MINDY4: variants seen among roughly 807,000 people sequenced by gnomAD.
MINDY4 encodes the protein probable ubiquitin carboxyl-terminal hydrolase MINDY-4.
A neutral mutation model predicts 87.0 loss-of-function variants in MINDY4; 68 were observed. The ratio of observed to expected loss-of-function variants is 0.78; its 90% CI spans 0.64 to 0.96. The LOEUF (loss-of-function observed/expected upper bound fraction) is 0.96. MINDY4 is among the 40% of genes least tolerant of loss of function. The probability of loss-of-function intolerance (pLI) is 0.00; values close to 1 mark genes in which losing one functional copy is unlikely to be tolerated. For missense variants in MINDY4, 919 were observed against 928.2 expected (o/e 0.99, Z 0.13); for synonymous variants, 379 against 363.2 (o/e 1.04, Z -0.50).
At chr7:30,805,751 A>G (rs1195583417) in intron 5 of MINDY4, among the ~76,000 whole-genome samples, 1 of 152,132 alleles carries the variant, frequency 6.6e-6, no homozygotes, top group Non-Finnish European at 1.5e-5. Context: ...AGATGAGGAC[A>G]TGTGTGGAGA....
intron 3 of MINDY4, among the ~76,000 whole-genome samples, chr7:30,785,141 G>C (rs1419741964): frequency 6.7e-6 from 1 of 150,090 alleles, no homozygotes; most frequent in Non-Finnish European, 1.5e-5. Context: ...CAGAGACAAA[G>C]AGCAGTCTGA....
chr7:30,800,875 G>C (rs2128170807), intron 5 of MINDY4, among the ~76,000 whole-genome samples: 1 of 152,324 alleles, frequency 6.6e-6, no homozygotes, highest in Non-Finnish European at 1.5e-5. Context: ...AGGTTTTGCA[G>C]AAGAATGGAC....
At chr7:30,852,425 G>A (rs1470540686) in intron 11 of MINDY4, 146 bp downstream of exon 11, 7 of 1,458,688 alleles carry the variant, frequency 4.8e-6, no homozygotes, top group Non-Finnish European at 6.4e-6. Flanking sequence ...GATTAGGGTG[G>A]GGACAGACGT....
At chr7:30,861,941 G>T (rs1789779459) in intron 13 of MINDY4, among the ~76,000 whole-genome samples, 1 of 152,252 alleles carries the variant, frequency 6.6e-6, no homozygotes, top group South Asian at 2.1e-4. Context: ...GCCACTGGGG[G>T]TGTGAGGAGG....
chr7:30,831,068 T>C (rs2128563582), intron 6 of MINDY4, among the ~76,000 whole-genome samples: 1 of 152,240 alleles, frequency 6.6e-6, no homozygotes, highest in East Asian at 1.9e-4. Context: ...GACTTAGGTG[T>C]AGAATAGACT....
At position 30,882,354 on chromosome 7, in the gene MINDY4, G is replaced by A. The variant is rs1442251630; in HGVS notation, c.2145G>A (p.Leu715=). ...GLANQQEQIR[L]TIDTTQTISE... ...CCAACCAGCAGGAGCAGATCCGGCT[G>A]ACCATTGGTGCGGGCCCTCACCCCC... is the stretch of plus-strand genomic sequence containing the variant. The change falls in exon 16 of 18, where the codon CTG becomes CTA. Residue 715 remains leucine, a synonymous_variant. Transcript: ENST00000265299. The A allele has an allele frequency of 1.3e-6, 2 of 1,589,310 alleles. No individual in the cohort carries two copies. Among genetic ancestry groups the A allele is most frequent in the Non-Finnish European group, 1.7e-6 (2 of 1,163,564 alleles).
intron 1 of MINDY4, among the ~76,000 whole-genome samples, chr7:30,778,087 G>T (rs1786882110): frequency 6.6e-6 from 1 of 152,124 alleles, no homozygotes; most frequent in South Asian, 2.1e-4. Context: ...CCCCATCTGA[G>T]AGTGAAGGGA....
intron 5 of MINDY4, among the ~76,000 whole-genome samples, chr7:30,822,455 A>T (rs1364919916): frequency 6.6e-6 from 1 of 152,024 alleles, no homozygotes; most frequent in Non-Finnish European, 1.5e-5. Context: ...ACAGGTGTGA[A>T]CTACTGTACC....
chr7:30,822,670 C>T (rs1420072655), intron 5 of MINDY4, among the ~76,000 whole-genome samples: 1 of 102,174 alleles, frequency 9.8e-6, no homozygotes, highest in Non-Finnish European at 1.8e-5. Flanking sequence ...CAAGGTTTCA[C>T]TCTTGCTAGG....
At chr7:30,786,255 G>A in intron 4 of MINDY4, 1 of 467,384 alleles carries the variant, frequency 2.1e-6, no homozygotes, top group Non-Finnish European at 3.8e-6. Context: ...TTCCTCTGCT[G>A]GGTAAGAATA....
chr7:30,784,112 G>A (rs996262652), intron 3 of MINDY4, among the ~76,000 whole-genome samples: 2 of 151,816 alleles, frequency 1.3e-5, no homozygotes, highest in African/African-American at 4.8e-5. Flanking sequence ...ACCATGACAA[G>A]CAATTAGCAC....
chr7:30,878,104 A>C (rs1790333664), intron 15 of MINDY4, among the ~76,000 whole-genome samples: 1 of 151,946 alleles, frequency 6.6e-6, no homozygotes, highest in Non-Finnish European at 1.5e-5. Flanking sequence ...CTGGACCTGG[A>C]CTCAGAGCCA....
At position 30,872,285 on chromosome 7, in the gene MINDY4, A is replaced by G. The variant is rs1790129817; in HGVS notation, c.1788A>G (p.Gly596=). 6.2e-7 allele frequency: 1 copy of G among 1,613,980 alleles called. No homozygotes were observed. The highest frequency in any genetic ancestry group is 8.5e-7 in the Non-Finnish European group (1 of 1,180,002). The change falls in exon 14 of 18, where the codon GGA becomes GGG. Residue 596 remains glycine, a synonymous_variant. Coordinates refer to ENST00000265299, the MANE Select transcript of MINDY4 (RefSeq NM_032222.3). ...ATGTCCCCACCAGCCACCTGATTGGAGCACATGGCTACTGTACACAGGTCA... is the reference window on the plus strand; with the variant it reads ...ATGTCCCCACCAGCCACCTGATTGGGGCACATGGCTACTGTACACAGGTCA... ...DFDVPTSHLI[G]AHGYCTQELV...
chr7:30,882,181 G>A lies in MINDY4; in HGVS notation c.1972G>A (p.Val658Ile), dbSNP rs1368807068. The A allele has an allele frequency of 6.2e-7, 1 of 1,604,518 alleles. No individual in the cohort carries two copies. The highest frequency in any genetic ancestry group is 8.5e-7 in the Non-Finnish European group (1 of 1,173,102). Residue 658 changes from valine to isoleucine, a missense_variant and splice_region_variant, in exon 16 of 18, where the codon GTT (valine) becomes ATT (isoleucine). Val to Ile is a conservative substitution (Grantham distance 29). Transcript: ENST00000265299. Reference protein sequence around the residue: ...SLFEHYNMCQVGCFLKTPRFP... With the variant: ...SLFEHYNMCQIGCFLKTPRFP... The stretch of plus-strand genomic sequence containing the variant: ...CACATCAGGCCTCTCCCTCATCCAG[G>A]TTGGCTGCTTCCTGAAGACCCCGAG...
chr7:30,848,067 A>G (rs1021727054), intron 9 of MINDY4, among the ~76,000 whole-genome samples: 4 of 152,244 alleles, frequency 2.6e-5, no homozygotes, highest in Non-Finnish European at 5.9e-5. Context: ...TTGTTGCTAC[A>G]CTGAGAAGCT....
At chr7:30,888,510 T>G (rs1388131758) in intron 17 of MINDY4, among the ~76,000 whole-genome samples, 1 of 152,216 alleles carries the variant, frequency 6.6e-6, no homozygotes, top group Non-Finnish European at 1.5e-5. Flanking sequence ...ACTTTGATTG[T>G]GTCTCTTCTG....
chr7:30,787,126 T>C (rs1227833918), intron 4 of MINDY4, among the ~76,000 whole-genome samples: 2 of 152,176 alleles, frequency 1.3e-5, no homozygotes, highest in South Asian at 2.1e-4. Flanking sequence ...TTGGTCAAGG[T>C]TTTTATTTCT....
At position 30,892,097 on chromosome 7, in the gene MINDY4, T is replaced by C. The variant is rs1274014488; in HGVS notation, c.*92T>C. 5.7e-6 allele frequency: 8 copies of C among 1,413,642 alleles called. No individual in the cohort carries two copies. The South Asian group carries it at 8.1e-5, about 14-fold the overall frequency. The allele number at this position is 1,413,642 out of a possible 1,614,324, so 87.6% of individuals were successfully genotyped here. ...CCCCAAGCCTCTGGGGCAGGTCTCATGTACCCCAACCTGGGTCAGCATGAC... is the reference window on the plus strand; with the variant it reads ...CCCCAAGCCTCTGGGGCAGGTCTCACGTACCCCAACCTGGGTCAGCATGAC... On this transcript the variant is annotated 3_prime_UTR_variant, in exon 18 of 18. Transcript: ENST00000265299.
intron 5 of MINDY4, among the ~76,000 whole-genome samples, chr7:30,793,595 A>G (rs113413482): frequency 0.013 from 1,906 of 151,788 alleles, 21 homozygotes; most frequent in Middle Eastern, 0.058. Flanking sequence ...AATATTTTGT[A>G]TTTTTTGTAG....
Sources: allele counts gnomAD v4.1 joint callset (sites outside exome capture counted in the v4.1 genomes callset), GRCh38; gene constraint gnomAD v4.1.1; transcripts MANE v1.5; gene names NCBI Gene and HGNC (gene_info 2026-07-23, HGNC 2026-07-21).